NUDCD3: variants seen among roughly 807,000 people sequenced by gnomAD.
NUDCD3 encodes the protein nudC domain-containing protein 3.
A neutral mutation model predicts 39.7 loss-of-function variants in NUDCD3; 13 were observed. The ratio of observed to expected loss-of-function variants is 0.33; its 90% CI spans 0.21 to 0.52. The LOEUF is 0.52. Ranked by LOEUF, NUDCD3 falls within the 20% of genes least tolerant of loss-of-function variation. The pLI is 0.96. For missense variants in NUDCD3, 453 were observed against 458.1 expected, an observed-to-expected ratio of 0.99 and a Z score of 0.10; for synonymous variants, 175 against 172.4, an observed-to-expected ratio of 1.02 and a Z score of -0.12.
At chr7:44,430,151 T>G (rs75552154) in intron 2 of NUDCD3, among the ~76,000 whole-genome samples, 1 of 152,334 alleles carries the variant, frequency 6.6e-6, no homozygotes, top group African/African-American at 2.4e-5. Context: ...CTAGAATATG[T>G]AGACATTTTT....
Position 44,418,231 on chromosome 7 carries a change from C to A in NUDCD3, c.642+9340G>T, listed in dbSNP as rs184722659. On this transcript the variant is annotated intron_variant, in intron 3 of 5. Coordinates refer to ENST00000355451, the MANE Select transcript of NUDCD3 (RefSeq NM_015332.4). The stretch of plus-strand genomic sequence containing the variant: ...CAGCCGAGGCAGGAATGGGACTAAG[C>A]CTAGTCACCTTACTGTCACCATGTG... 2.5e-4 allele frequency among the ~76,000 whole-genome samples: 38 copies of A among 152,284 alleles called. No individual in the cohort carries two copies. In the East Asian group the frequency reaches 4.8e-3, roughly 19 times the overall value.
At chr7:44,429,690 C>CT (rs1229342394) in intron 2 of NUDCD3, among the ~76,000 whole-genome samples, 1 of 152,178 alleles carries the variant, frequency 6.6e-6, no homozygotes, top group Admixed American at 6.5e-5. Flanking sequence ...GGACTAGGCA[C>CT]TAACCAATCG....
chr7:44,385,964 T>C lies in NUDCD3; in HGVS notation c.*47A>G. ...GGGAGCCAAGAAGGGCAGCCGAGGATAAGGCTCTGCCTCCCCACCGGCGAG... is the reference window on the plus strand; with the variant it reads ...GGGAGCCAAGAAGGGCAGCCGAGGACAAGGCTCTGCCTCCCCACCGGCGAG... On this transcript the variant is annotated 3_prime_UTR_variant, in exon 6 of 6. Coordinates refer to ENST00000355451, the MANE Select transcript of NUDCD3 (RefSeq NM_015332.4). The C allele has an allele frequency of 1.0e-6, 1 of 958,226 alleles. No individual in the cohort carries two copies. The highest frequency in any genetic ancestry group is 1.7e-6 in the Non-Finnish European group (1 of 583,434). 59.4% of individuals were successfully genotyped at this position (958,226 alleles called of 1,614,324 possible).
chr7:44,467,144 G>A (rs1800133934), intron 2 of NUDCD3, among the ~76,000 whole-genome samples: 1 of 152,164 alleles, frequency 6.6e-6, no homozygotes, highest in Admixed American at 6.5e-5. Context: ...AGGGCCTGCT[G>A]AACCAGCATC....
intron 5 of NUDCD3, among the ~76,000 whole-genome samples, chr7:44,391,511 CA>C (rs1798514826): frequency 6.6e-6 from 1 of 152,176 alleles, no homozygotes; most frequent in African/African-American, 2.4e-5. Context: ...CAGCGATCTT[CA>C]GGGGGAGGAG....
chr7:44,440,068 G>A (rs1237095947), intron 2 of NUDCD3, among the ~76,000 whole-genome samples: 6 of 152,228 alleles, frequency 3.9e-5, no homozygotes, highest in Admixed American at 1.3e-4. Context: ...CCGCCCTTCA[G>A]TGGGGCTGGA....
At chr7:44,468,085 C>G in intron 2 of NUDCD3, 3 of 1,611,492 alleles carry the variant, frequency 1.9e-6, no homozygotes, top group Non-Finnish European at 2.5e-6. Flanking sequence ...ATGGGAGCAA[C>G]AAAAAAACAA....
At position 44,382,204 on chromosome 7, in the gene NUDCD3, G is replaced by C. The variant is rs966402519; in HGVS notation, c.*3807C>G. The C allele has an allele frequency of 6.6e-6, 1 of 152,124 alleles. No individual in the cohort carries two copies. The highest frequency in any genetic ancestry group is 6.5e-5 in the Admixed American group (1 of 15,268). 9.4% of individuals were successfully genotyped at this position (152,124 alleles called of 1,614,324 possible). A position where few individuals can be genotyped will look rare whatever the true frequency, so the allele number is the denominator to read the frequency against. ...CAGTACTAAAAAATAAAACCGAGTG[G>C]GAGGAAGGTGAGGACTGAAAAACTA... is the stretch of plus-strand genomic sequence containing the variant. On this transcript the variant is annotated 3_prime_UTR_variant, in exon 6 of 6. Transcript: ENST00000355451.
At chr7:44,473,615 T>A (rs1040147875) in intron 2 of NUDCD3, among the ~76,000 whole-genome samples, 1 of 152,188 alleles carries the variant, frequency 6.6e-6, no homozygotes, top group African/African-American at 2.4e-5. Context: ...GGAAAATATA[T>A]ACATACATAT....
At position 44,464,482 on chromosome 7, in the gene NUDCD3, G is replaced by A. The variant is rs1215897045; in HGVS notation, c.509+20486C>T. ...CTAGATCAACAATTTTTTTTTTTTG[G>A]TGGAGTCTTGCTGTGTCACCCAGTG... On this transcript the variant is annotated intron_variant, in intron 2 of 5. Coordinates refer to ENST00000355451, the MANE Select transcript of NUDCD3 (RefSeq NM_015332.4). Among the ~76,000 whole-genome samples the A allele has an allele frequency of 3.3e-5, 5 of 149,834 alleles. No homozygotes were observed. The East Asian group carries it at 9.8e-4, about 29-fold the overall frequency.
intron 2 of NUDCD3, among the ~76,000 whole-genome samples, chr7:44,470,332 C>T (rs998636242): frequency 6.6e-6 from 1 of 152,162 alleles, no homozygotes; most frequent in African/African-American, 2.4e-5. Flanking sequence ...ATTTTAAAGA[C>T]CAGATAACAG....
chr7:44,455,638 G>A (rs1799877320), intron 2 of NUDCD3, among the ~76,000 whole-genome samples: 1 of 152,184 alleles, frequency 6.6e-6, no homozygotes, highest in South Asian at 2.1e-4. Context: ...GTGCATGTGA[G>A]TGTGCATTAG....
chr7:44,469,930 T>C (rs1405428153), intron 2 of NUDCD3, among the ~76,000 whole-genome samples: 1 of 151,810 alleles, frequency 6.6e-6, no homozygotes, highest in African/African-American at 2.4e-5. Context: ...TAAAGGAGAC[T>C]GAAGAGAGAC....
intron 2 of NUDCD3, among the ~76,000 whole-genome samples, 176 bp downstream of exon 2, chr7:44,484,792 T>C (rs908303504): frequency 6.6e-6 from 1 of 152,230 alleles, no homozygotes; most frequent in Non-Finnish European, 1.5e-5. Flanking sequence ...TTAAGCCAAC[T>C]GACCTCCCAT....
intron 2 of NUDCD3, among the ~76,000 whole-genome samples, chr7:44,450,172 A>C (rs930679250): frequency 2.0e-5 from 3 of 151,620 alleles, no homozygotes; most frequent in African/African-American, 7.3e-5. Context: ...ACCTATAAGA[A>C]TGTCTAATTT....
At chr7:44,416,365 A>C (rs1799022561) in intron 3 of NUDCD3, among the ~76,000 whole-genome samples, 1 of 152,184 alleles carries the variant, frequency 6.6e-6, no homozygotes, top group Admixed American at 6.5e-5. Flanking sequence ...CTGGGATTAC[A>C]GGCTTGAGCC....
intron 5 of NUDCD3, among the ~76,000 whole-genome samples, chr7:44,389,968 G>T (rs1798479420): frequency 1.3e-5 from 2 of 152,162 alleles, no homozygotes; most frequent in African/African-American, 4.8e-5. Flanking sequence ...TTTTGTTTTT[G>T]AATATAAAGT....
Position 44,490,422 on chromosome 7 carries a change from G to A in NUDCD3, c.179C>T (p.Ala60Val). The A allele has an allele frequency of 6.4e-7, 1 of 1,569,540 alleles. No individual in the cohort carries two copies. Among genetic ancestry groups the A allele is most frequent in the Non-Finnish European group, 8.6e-7 (1 of 1,158,798 alleles). The change falls in exon 1 of 6, where the codon GCC becomes GTC. Residue 60 changes from alanine (A) to valine (V), a missense_variant. Coordinates refer to ENST00000355451, the MANE Select transcript of NUDCD3 (RefSeq NM_015332.4). Reference sequence around the variant, plus strand: ...CGCCCGCCTCACCTGCAGCACCAAGGCCTGCGCGGCCCCGGGCGGGAAGCC... The same window carrying A: ...CGCCCGCCTCACCTGCAGCACCAAGACCTGCGCGGCCCCGGGCGGGAAGCC... ...RMGFPPGAAQ[A>V]LVLQVFKTFD... is the part of the protein sequence containing the mutation.
rs199878831 is a variant in NUDCD3 at position 44,392,359 on chromosome 7, A to G, written c.913T>C (p.Leu305=). The part of the protein sequence containing the change: ...ATVDEEEQAV[L]DRLTFDYHQK... ...TGGTAGTCAAAGGTAAGCCTGTCCA[A>G]CACCGCCTGTTCCTCCTCATCCACG... Residue 305 remains leucine, a synonymous_variant, in exon 5 of 6, where the codon TTG becomes CTG. Coordinates refer to ENST00000355451, the MANE Select transcript of NUDCD3 (RefSeq NM_015332.4). 28 of 1,614,164 alleles carry G rather than the reference A, an allele frequency of 1.7e-5. 1 individual carries two copies. In the East Asian group the frequency reaches 4.9e-4, roughly 28 times the overall value.
Sources: allele counts gnomAD v4.1 joint callset (sites outside exome capture counted in the v4.1 genomes callset), GRCh38; gene constraint gnomAD v4.1.1; transcripts MANE v1.5; gene names NCBI Gene and HGNC (gene_info 2026-07-23, HGNC 2026-07-21).